The following CLTCL1 variants were observed in gnomAD, a reference collection of about 807,000 sequenced individuals.
CLTCL1 encodes the protein clathrin heavy chain 2.
A neutral mutation model predicts 190.0 loss-of-function variants in CLTCL1; 159 were observed. That is an observed-to-expected ratio of 0.84 (90% confidence interval 0.74 to 0.95). The LOEUF (loss-of-function observed/expected upper bound fraction) is 0.95. CLTCL1 is among the 40% of genes least tolerant of loss of function. The pLI, the probability that CLTCL1 is intolerant of heterozygous loss-of-function variation, is 0.00. For synonymous variants in CLTCL1, 752 were observed against 769.6 expected (o/e 0.98, Z 0.38); for missense variants, 1,878 against 2,033.4 (o/e 0.92, Z 1.47).
intron 31 of CLTCL1, 40 bp from the exon 32 acceptor site, chr22:19,180,278 C>G: frequency 6.2e-7 from 1 of 1,612,174 alleles, no homozygotes; most frequent in Non-Finnish European, 8.5e-7. Flanking sequence ...GAAGGACACA[C>G]TCAGCCGGAC....
Position 19,254,147 on chromosome 22 carries a change from A to C in CLTCL1, c.331T>G (p.Trp111Gly). 5 of 1,613,920 alleles carry C rather than the reference A, an allele frequency of 3.1e-6. No individual in the cohort carries two copies. The highest frequency in any genetic ancestry group is 4.2e-6 in the Non-Finnish European group (5 of 1,179,842). Residue 111 changes from tryptophan (W) to glycine (G), a missense_variant, in exon 3 of 33, where the codon TGG (tryptophan) becomes GGG (glycine). Trp to Gly is a radical substitution (Grantham distance 184). Transcript: ENST00000427926. ...AHTMAEEVIF[W>G]KWVSVNTVAL... ...ACAGTGTTCACAGAAACCCATTTCC[A>C]GAAAATCACTTCTTCTGCCATAGTA... is the stretch of plus-strand genomic sequence containing the variant.
intron 2 of CLTCL1, among the ~76,000 whole-genome samples, chr22:19,259,399 T>C (rs1555974434): frequency 6.6e-6 from 1 of 151,868 alleles, no homozygotes; most frequent in African/African-American, 2.4e-5. Flanking sequence ...TTTTTTGTTT[T>C]GTGAACAACA....
chr22:19,233,040 C>A, intron 9 of CLTCL1, 126 bp downstream of exon 9: 1 of 990,242 alleles, frequency 1.0e-6, no homozygotes, highest in East Asian at 2.4e-5. Flanking sequence ...AAGATCCTAA[C>A]AGCAACATTG....
rs141254945 is a variant in CLTCL1 at position 19,184,124 on chromosome 22, T to C, written c.4606-513A>G. On this transcript the variant is annotated intron_variant, in intron 29 of 32. Coordinates refer to ENST00000427926, the MANE Select transcript of CLTCL1 (RefSeq NM_007098.4). ...ACAATATCATTGACAAAATAACACCTGCACCTGACCAGTCCTGAAGAAGCC... is the reference window on the plus strand; with the variant it reads ...ACAATATCATTGACAAAATAACACCCGCACCTGACCAGTCCTGAAGAAGCC... The C allele has an allele frequency of 3.0e-3, 768 of 253,510 alleles. 7 individuals are homozygous for C. The highest frequency in any genetic ancestry group is 0.016 in the African/African-American group (706 of 44,642). 15.7% of individuals were successfully genotyped at this position (253,510 alleles called of 1,614,324 possible).
intron 1 of CLTCL1, among the ~76,000 whole-genome samples, chr22:19,277,942 A>T (rs1555984327): frequency 6.6e-6 from 1 of 152,216 alleles, no homozygotes; most frequent in Non-Finnish European, 1.5e-5. Flanking sequence ...CAGGGTTCCC[A>T]TGACCTTCTT....
chr22:19,246,662 G>C (rs1239507713), intron 3 of CLTCL1, among the ~76,000 whole-genome samples: 1 of 152,124 alleles, frequency 6.6e-6, no homozygotes, highest in Non-Finnish European at 1.5e-5. Context: ...TTTTACTAGA[G>C]ATGGGGTTTC....
intron 18 of CLTCL1, among the ~76,000 whole-genome samples, chr22:19,219,515 T>C (rs1381284789): frequency 1.4e-5 from 2 of 143,712 alleles, no homozygotes; most frequent in African/African-American, 5.3e-5. Context: ...ATGGAGTCTC[T>C]GTCTGTCGCC....
Position 19,209,106 on chromosome 22 carries a change from G to A in CLTCL1, c.3258C>T (p.Ile1086=), listed in dbSNP as rs782630103. Residue 1086 remains isoleucine, a synonymous_variant, in exon 21 of 33, where the codon ATC becomes ATT. Coordinates refer to ENST00000427926, the MANE Select transcript of CLTCL1 (RefSeq NM_007098.4). ...CCCGGTCCAGGTTTCCAATGTGCTC[G>A]ATCAGGACCTAGGGGTTATGAGAGG... ...DMNASAIQVL[I]EHIGNLDRAY... 24 of 1,601,196 alleles carry A rather than the reference G, an allele frequency of 1.5e-5. No individual in the cohort carries two copies. Among genetic ancestry groups the A allele is most frequent in the Non-Finnish European group, 2.0e-5 (23 of 1,173,242 alleles).
At chr22:19,185,578 G>A (rs1227682656) in intron 29 of CLTCL1, among the ~76,000 whole-genome samples, 1 of 152,008 alleles carries the variant, frequency 6.6e-6, no homozygotes, top group East Asian at 1.9e-4. Context: ...CGCCCGCCTC[G>A]GCCTCCCAAA....
At chr22:19,232,408 G>T in intron 10 of CLTCL1, 68 bp downstream of exon 10, 1 of 1,595,070 alleles carries the variant, frequency 6.3e-7, no homozygotes, top group South Asian at 1.1e-5. Flanking sequence ...AACAGGAAAC[G>T]AATCAAAGAA....
Position 19,232,509 on chromosome 22 carries a change from C to T in CLTCL1, c.1611G>A (p.Val537=). Reference sequence around the variant, plus strand: ...TGTTGGCCAGCGGCTCCTCGTCCTGCACTAGCATTCGAGAAAACTGCAGGC... The same window carrying T: ...TGTTGGCCAGCGGCTCCTCGTCCTGTACTAGCATTCGAGAAAACTGCAGGC... ...EQGLQFSRML[V]QDEEPLANIS... Residue 537 remains valine (V), a synonymous_variant, in exon 10 of 33, where the codon GTG becomes GTA. Transcript: ENST00000427926. 1 of 1,614,020 alleles carries T rather than the reference C, an allele frequency of 6.2e-7. No individual in the cohort carries two copies. The highest frequency in any genetic ancestry group is 8.5e-7 in the Non-Finnish European group (1 of 1,179,888).
At chr22:19,266,524 A>G (rs2087127292) in intron 2 of CLTCL1, among the ~76,000 whole-genome samples, 1 of 152,240 alleles carries the variant, frequency 6.6e-6, no homozygotes, top group African/African-American at 2.4e-5. Flanking sequence ...TAAGTCCTTC[A>G]CAGATTCTTT....
chr22:19,272,583 G>T (rs554707903), intron 2 of CLTCL1, among the ~76,000 whole-genome samples: 1 of 152,102 alleles, frequency 6.6e-6, no homozygotes, highest in South Asian at 2.1e-4. Flanking sequence ...TGATTCTCCC[G>T]CCTCAGCCTC....
At chr22:19,195,016 G>A (rs1277468594) in intron 26 of CLTCL1, among the ~76,000 whole-genome samples, 1 of 152,226 alleles carries the variant, frequency 6.6e-6, no homozygotes, top group Non-Finnish European at 1.5e-5. Context: ...CTCCCACACA[G>A]TGAGTCTCAG....
At chr22:19,215,036 T>C (rs531778774) in intron 19 of CLTCL1, among the ~76,000 whole-genome samples, 1 of 152,330 alleles carries the variant, frequency 6.6e-6, no homozygotes, top group Non-Finnish European at 1.5e-5. Context: ...GTTACCTGCA[T>C]GTTTGAGAAG....
At chr22:19,185,299 T>C (rs772183746) in intron 29 of CLTCL1, among the ~76,000 whole-genome samples, 1 of 151,478 alleles carries the variant, frequency 6.6e-6, no homozygotes, top group Non-Finnish European at 1.5e-5. Flanking sequence ...CAGCCACTGT[T>C]CTGGGGGAAG....
chr22:19,222,880 A>G (rs1391255334), intron 14 of CLTCL1, 71 bp from the exon 15 acceptor site: 1 of 1,533,238 alleles, frequency 6.5e-7, no homozygotes, highest in Non-Finnish European at 8.8e-7. Context: ...GACTCATTGC[A>G]CACATGGGAC....
chr22:19,226,136 A>AC, intron 12 of CLTCL1, 83 bp downstream of exon 12: 1 of 1,464,528 alleles, frequency 6.8e-7, no homozygotes, highest in South Asian at 1.3e-5. Context: ...TTCCACAATC[A>AC]CCAACAGGTG....
chr22:19,201,552 T>G, intron 22 of CLTCL1, 59 bp from the exon 23 acceptor site: 1 of 1,554,640 alleles, frequency 6.4e-7, no homozygotes, highest in Non-Finnish European at 8.8e-7. Context: ...TTCTCCAGAG[T>G]TGCTTTTAAG....
Sources: gnomAD v4.1 joint callset for allele counts (sites outside exome capture counted in the v4.1 genomes callset) on GRCh38, gnomAD v4.1.1 for gene constraint, MANE v1.5 for transcripts, NCBI Gene and HGNC (gene_info 2026-07-23, HGNC 2026-07-21) for gene names.